The following TAF1 variants were observed in gnomAD, a reference collection of about 807,000 sequenced individuals.
TAF1 encodes the protein TATA-box binding protein associated factor 1.
In TAF1, 2 loss-of-function variants were observed where a neutral mutation model predicts 138.5. The observed-to-expected ratio is 0.01, with a 90% confidence interval of 0.01 to 0.05. TAF1 has a LOEUF of 0.05. TAF1 is among the 10% of genes least tolerant of loss of function. The pLI is 1.00. For missense variants in TAF1, 709 were observed against 1,478.0 expected (o/e 0.48, Z 8.53); for synonymous variants, 437 against 503.2 (o/e 0.87, Z 1.76).
In TAF1 at chrX:71,423,033, C is replaced by T. The variant is rs1361742099; in HGVS notation, c.4453-84C>T. On this transcript the variant is annotated intron_variant, in intron 29 of 37. Transcript: ENST00000423759. ...CTGGGATTACAGGCGTGAGCCACCA[C>T]GCCCGGCAAATTGTCCTTAACTTTT... 2.7e-5 allele frequency: 31 copies of T among 1,160,842 alleles called. No homozygotes were observed. In the Admixed American group the frequency reaches 3.0e-4, roughly 11 times the overall value.
intron 13 of TAF1, among the ~76,000 whole-genome samples, chrX:71,473,103 T>C: frequency 8.9e-6 from 1 of 112,114 alleles, no homozygotes; most frequent in African/African-American, 3.2e-5. Flanking sequence ...AAGAATGAGA[T>C]ACAGCATTTG....
chrX:71,409,013 C>CA (rs774464156), intron 28 of TAF1, among the ~76,000 whole-genome samples: 649 of 55,324 alleles, frequency 0.012, 8 homozygotes, highest in African/African-American at 0.036. Flanking sequence ...GACTCCGTCT[C>CA]AAAAAAAAAA....
At chrX:71,474,112 T>C (rs1015090758) in intron 13 of TAF1, among the ~76,000 whole-genome samples, 2 of 109,580 alleles carry the variant, frequency 1.8e-5, no homozygotes. Context: ...ACCACTGCAC[T>C]CCAGTCTGGG....
rs1352715412 is a variant in TAF1, at chrX:71,392,461, G to GA, written c.2782-101dup. On this transcript the variant is annotated intron_variant, in intron 18 of 37. Coordinates refer to ENST00000423759, the MANE Select transcript of TAF1 (RefSeq NM_004606.5). ...ATGAACCCACAGAAATTAAAAATTA[G>GA]AAAAAAAGAACATGAAAATAGTTTG... 9 of 987,575 alleles carry GA rather than the reference G, an allele frequency of 9.1e-6. No individual in the cohort carries two copies. The East Asian group carries it at 3.2e-4, about 35-fold the overall frequency. 81.4% of individuals were successfully genotyped at this position (987,575 alleles called of 1,213,427 possible). A position where few individuals can be genotyped will look rare whatever the true frequency, so the allele number is the denominator to read the frequency against.
chrX:71,392,227 G>A (rs2034605029), intron 18 of TAF1, among the ~76,000 whole-genome samples: 1 of 111,564 alleles, frequency 9.0e-6, no homozygotes, highest in Non-Finnish European at 1.9e-5. Flanking sequence ...ATGAGGGTGA[G>A]GGAAACACTG....
At chrX:71,471,463 T>A (rs1384626181) in intron 13 of TAF1, among the ~76,000 whole-genome samples, 37 of 84,025 alleles carry the variant, frequency 4.4e-4, no homozygotes, top group African/African-American at 2.2e-3. Flanking sequence ...AATGGTCACT[T>A]TTTTTTTTTT....
intron 22 of TAF1, 28 bp downstream of exon 22, chrX:71,394,273 A>G (rs765775481): frequency 6.8e-6 from 8 of 1,170,553 alleles, no homozygotes; most frequent in Admixed American, 2.6e-5. Flanking sequence ...ACAGACAGAT[A>G]AAAAAGAGAA....
chrX:71,375,890 T>TA (rs1468396848), intron 4 of TAF1, among the ~76,000 whole-genome samples: 1 of 112,859 alleles, frequency 8.9e-6, no homozygotes, highest in African/African-American at 3.2e-5. Context: ...TAATTTATGA[T>TA]ACAACTGATC....
At chrX:71,455,062 T>G (rs2038218751) in intron 34 of TAF1, 1 of 1,153,630 alleles carries the variant, frequency 8.7e-7, no homozygotes, top group East Asian at 3.2e-5. Context: ...AAAAGGCAGC[T>G]GTGGGATGAA....
At chrX:71,437,649 CAA>C (rs769364946) in intron 32 of TAF1, among the ~76,000 whole-genome samples, 16 of 61,167 alleles carry the variant, frequency 2.6e-4, no homozygotes, top group Admixed American at 5.9e-4. Flanking sequence ...ACTCTGTCTC[CAA>C]AAAAAAAAAA....
chrX:71,381,690 A>G lies in TAF1; in HGVS notation c.1361-53A>G, dbSNP rs532283281. ...TTTATCTTTGCCAGAATCTTGATTG[A>G]AAGGGGCATAAATGTTTTCTCTGTT... On this transcript the variant is annotated intron_variant, in intron 8 of 37. Coordinates refer to ENST00000423759, the MANE Select transcript of TAF1 (RefSeq NM_004606.5). 1,142 of 1,143,902 alleles carry G rather than the reference A, an allele frequency of 1.0e-3. 5 individuals are homozygous for G. Among genetic ancestry groups the G allele is most frequent in the South Asian group, 8.9e-3 (466 of 52,086 alleles). The allele number at this position is 1,143,902 out of a possible 1,213,427, so 94.3% of individuals were successfully genotyped here. A position where few individuals can be genotyped will look rare whatever the true frequency, so the allele number is the denominator to read the frequency against.
Position 71,388,885 on chromosome X carries a change from T to TA in TAF1, c.2700+18dup. The TA allele has an allele frequency of 8.4e-7, 1 of 1,195,507 alleles. No homozygotes were observed. Among genetic ancestry groups the TA allele is most frequent in the Non-Finnish European group, 1.1e-6 (1 of 886,696 alleles). ...CGACTGAAGGTGAACACCTTCCTCT[T>TA]AGACACCACTTATGCCTGTGGTTTT... On this transcript the variant is annotated intron_variant, in intron 17 of 37. Transcript: ENST00000423759.
rs2034285863 is a variant in TAF1, at chrX:71,387,273, A to G, written c.2239A>G (p.Asn747Asp). 8.3e-7 allele frequency: 1 copy of G among 1,210,430 alleles called. No individual in the cohort carries two copies. The highest frequency in any genetic ancestry group is 1.7e-5 in the African/African-American group (1 of 57,264). Residue 747 changes from asparagine to aspartate, a missense_variant, in exon 15 of 38, where the codon AAC becomes GAC. Physicochemically the swap from Asn to Asp is conservative, Grantham distance 23. Transcript: ENST00000423759. ...TTACTTTTGTTAGGCATTTGAGAAC[A>G]ACCTTTTTCGTGCTCCAATTTATCT... ...PGQLLQAFEN[N>D]LFRAPIYLHK...
chrX:71,413,198 A>G (rs1010991896), intron 28 of TAF1, among the ~76,000 whole-genome samples: 2 of 111,934 alleles, frequency 1.8e-5, no homozygotes, highest in Admixed American at 1.9e-4. Flanking sequence ...GTCTGTACCT[A>G]GGAGCCGAAT....
intron 13 of TAF1, among the ~76,000 whole-genome samples, chrX:71,482,478 A>T (rs976264703): frequency 8.9e-6 from 1 of 112,756 alleles, no homozygotes; most frequent in Non-Finnish European, 1.9e-5. Context: ...AATAAAGTAC[A>T]TATCACAATA....
In TAF1 at chrX:71,366,554, G is replaced by T. The variant is rs936719491; in HGVS notation, c.120+60G>T. 10 of 1,053,077 alleles carry T rather than the reference G, an allele frequency of 9.5e-6. No individual in the cohort carries two copies. In the Admixed American group the frequency reaches 1.3e-4, roughly 14 times the overall value. The allele number at this position is 1,053,077 out of a possible 1,213,427, so 86.8% of individuals were successfully genotyped here. On this transcript the variant is annotated intron_variant, in intron 1 of 37. Transcript: ENST00000423759. ...GTGGGGCTAAGCAGAGGAAGGAGGT[G>T]CGGGGAGGAAAGGAGAGGGTGCTCA... is the stretch of plus-strand genomic sequence containing the variant.
intron 34 of TAF1, among the ~76,000 whole-genome samples, chrX:71,457,932 C>G (rs745582097): frequency 8.9e-6 from 1 of 112,100 alleles, no homozygotes; most frequent in Non-Finnish European, 1.9e-5. Flanking sequence ...GCCTAAAAAC[C>G]GAAAGACAAG....
In TAF1 at chrX:71,375,240, C is replaced by T. The variant is rs2033387228; in HGVS notation, c.426C>T (p.Pro142=). 19 of 1,210,754 alleles carry T rather than the reference C, an allele frequency of 1.6e-5. No individual in the cohort carries two copies. Among genetic ancestry groups the T allele is most frequent in the Non-Finnish European group, 2.1e-5 (19 of 895,273 alleles). Residue 142 remains proline, a synonymous_variant, in exon 4 of 38, where the codon CCC becomes CCT. Coordinates refer to ENST00000423759, the MANE Select transcript of TAF1 (RefSeq NM_004606.5). ...AGTTGATGCCTCCTCCACCTCCACCCCCGGGACCAATGAAGAAGGATAAGG... is the reference window on the plus strand; with the variant it reads ...AGTTGATGCCTCCTCCACCTCCACCTCCGGGACCAATGAAGAAGGATAAGG... ...DCKLMPPPPP[P]PGPMKKDKDQ...
chrX:71,511,785 G>T (rs1208938581), intron 13 of TAF1, among the ~76,000 whole-genome samples: 1 of 111,636 alleles, frequency 9.0e-6, no homozygotes, highest in Admixed American at 9.6e-5. Flanking sequence ...GGAGGTTGAG[G>T]CGGGTGGATT....
Sources: allele counts gnomAD v4.1 joint callset (sites outside exome capture counted in the v4.1 genomes callset), GRCh38; gene constraint gnomAD v4.1.1; transcripts MANE v1.5; gene names NCBI Gene and HGNC (gene_info 2026-07-23, HGNC 2026-07-21).